The following ZBTB7C variants were observed in gnomAD, a reference collection of about 807,000 sequenced individuals.
The protein encoded by ZBTB7C is zinc finger and BTB domain-containing protein 7C.
Under a neutral mutation model 25.7 loss-of-function variants are expected in ZBTB7C, and 8 were observed. The observed-to-expected ratio is 0.31, with a 90% confidence interval of 0.18 to 0.56. The LOEUF (loss-of-function observed/expected upper bound fraction) is 0.56, where lower values mean the gene tolerates loss of function less well. Ranked by LOEUF, ZBTB7C falls within the 20% of genes least tolerant of loss-of-function variation. The pLI is 0.91. For missense variants in ZBTB7C, 824 were observed against 855.2 expected (o/e 0.96, Z 0.46); for synonymous variants, 394 against 369.0 (o/e 1.07, Z -0.78).
At chr18:48,164,794 T>G (rs80051557) in intron 3 of ZBTB7C, among the ~76,000 whole-genome samples, 7,497 of 152,194 alleles carry the variant, frequency 0.049, 267 homozygotes, top group Non-Finnish European at 0.071. Flanking sequence ...CTCCAGACAT[T>G]AAGCACCTAC....
chr18:48,029,129 GTATTAT>G lies in ZBTB7C; in HGVS notation c.*125_*130del. Reference sequence around the variant, plus strand: ...GCCCGGGAAAATGCCATCACTGATAGTATTATTATTATTTTCCCATTTTCCCTTTGT... The same window carrying G: ...GCCCGGGAAAATGCCATCACTGATAGTATTATTTTCCCATTTTCCCTTTGT... On this transcript the variant is annotated 3_prime_UTR_variant, in exon 5 of 5. Transcript: ENST00000590800. The G allele has an allele frequency of 8.0e-7, 1 of 1,252,672 alleles. No homozygotes were observed. Among genetic ancestry groups the G allele is most frequent in the South Asian group, 1.5e-5 (1 of 67,412 alleles). The allele number at this position is 1,252,672 out of a possible 1,614,324, so 77.6% of individuals were successfully genotyped here.
In ZBTB7C at chr18:48,029,008, TGAGAGCCA is replaced by T. The variant is rs2035610705; in HGVS notation, c.*244_*251del. 4 of 510,008 alleles carry T rather than the reference TGAGAGCCA, an allele frequency of 7.8e-6. No homozygotes were observed. Among genetic ancestry groups the T allele is most frequent in the East Asian group, 7.8e-5 (2 of 25,510 alleles). The allele number at this position is 510,008 out of a possible 1,614,324, so 31.6% of individuals were successfully genotyped here. ...GCATGGGCCGGTGCAAGTTTCTATA[TGAGAGCCA>T]GAGAGACAGGGAGGGAGGCCCGGGC... On this transcript the variant is annotated 3_prime_UTR_variant, in exon 5 of 5. Transcript: ENST00000590800.
chr18:48,386,969 A>T (rs1158594358), intron 1 of ZBTB7C, among the ~76,000 whole-genome samples: 1 of 152,288 alleles, frequency 6.6e-6, no homozygotes, highest in Non-Finnish European at 1.5e-5. Flanking sequence ...ACGGTGCTAT[A>T]GGAGTAATTA....
intron 2 of ZBTB7C, among the ~76,000 whole-genome samples, chr18:48,282,421 C>T (rs2044889678): frequency 1.3e-5 from 2 of 151,834 alleles, no homozygotes; most frequent in Non-Finnish European, 2.9e-5. Context: ...TGTAACTAAC[C>T]TGCACATTGT....
intron 3 of ZBTB7C, among the ~76,000 whole-genome samples, chr18:48,069,099 C>T (rs377011654): frequency 6.6e-6 from 1 of 152,212 alleles, no homozygotes; most frequent in Non-Finnish European, 1.5e-5. Context: ...TTGGTATCCC[C>T]GGCCCCAGCG....
chr18:48,077,740 C>T (rs2037827301), intron 3 of ZBTB7C, among the ~76,000 whole-genome samples: 2 of 152,180 alleles, frequency 1.3e-5, no homozygotes, highest in South Asian at 4.1e-4. Flanking sequence ...GTCACCTCGT[C>T]CTCACCATCT....
At chr18:48,143,520 G>A (rs1302260244) in intron 3 of ZBTB7C, among the ~76,000 whole-genome samples, 4 of 152,162 alleles carry the variant, frequency 2.6e-5, no homozygotes, top group African/African-American at 9.7e-5. Context: ...AGCCTCAAGA[G>A]CTGAGGTCTG....
At chr18:48,196,860 A>G (rs977702657) in intron 2 of ZBTB7C, among the ~76,000 whole-genome samples, 5 of 152,202 alleles carry the variant, frequency 3.3e-5, no homozygotes, top group African/African-American at 1.2e-4. Flanking sequence ...TCAGAAGAAC[A>G]TATCTGTAGT....
intron 3 of ZBTB7C, among the ~76,000 whole-genome samples, chr18:48,068,574 A>G (rs1274121547): frequency 6.6e-6 from 1 of 152,094 alleles, no homozygotes; most frequent in East Asian, 1.9e-4. Context: ...CTGGAAATGG[A>G]GCCTGGGCAT....
At chr18:48,035,049 T>A (rs2144103079) in intron 4 of ZBTB7C, among the ~76,000 whole-genome samples, 1 of 152,276 alleles carries the variant, frequency 6.6e-6, no homozygotes, top group African/African-American at 2.4e-5. Context: ...CTTAATAGGG[T>A]TCCCAGAGCT....
chr18:48,402,465 G>A (rs940029216), intron 1 of ZBTB7C, among the ~76,000 whole-genome samples: 4 of 152,206 alleles, frequency 2.6e-5, no homozygotes, highest in African/African-American at 9.6e-5. Flanking sequence ...GGAGACAGGT[G>A]AGCATGAGAG....
intron 2 of ZBTB7C, among the ~76,000 whole-genome samples, chr18:48,265,120 A>G (rs1223639155): frequency 6.6e-6 from 1 of 152,114 alleles, no homozygotes; most frequent in Non-Finnish European, 1.5e-5. Context: ...TTGATATCTA[A>G]TTACCTGGCC....
At chr18:48,381,438 T>C (rs1482926723) in intron 1 of ZBTB7C, among the ~76,000 whole-genome samples, 1 of 152,158 alleles carries the variant, frequency 6.6e-6, no homozygotes, top group African/African-American at 2.4e-5. Flanking sequence ...TAGTAATAAG[T>C]ACATGGAATC....
chr18:48,053,016 C>T (rs2036757893), intron 3 of ZBTB7C, among the ~76,000 whole-genome samples: 1 of 152,180 alleles, frequency 6.6e-6, no homozygotes, highest in African/African-American at 2.4e-5. Context: ...CCAAGTTACA[C>T]AGGAAAATAC....
intron 3 of ZBTB7C, among the ~76,000 whole-genome samples, chr18:48,177,171 A>G (rs2041709080): frequency 6.6e-6 from 1 of 152,232 alleles, no homozygotes; most frequent in Non-Finnish European, 1.5e-5. Flanking sequence ...CAGGACAATG[A>G]GCCAAGAACA....
At chr18:48,042,329 C>A (rs2036285517) in intron 3 of ZBTB7C, among the ~76,000 whole-genome samples, 1 of 152,200 alleles carries the variant, frequency 6.6e-6, no homozygotes, top group Non-Finnish European at 1.5e-5. Context: ...GTGGGTTGGA[C>A]AAGCTTCATA....
intron 3 of ZBTB7C, among the ~76,000 whole-genome samples, chr18:48,119,625 A>G (rs897317579): frequency 6.6e-6 from 1 of 152,146 alleles, no homozygotes; most frequent in African/African-American, 2.4e-5. Flanking sequence ...ATCATAGTTC[A>G]TGTGTAACAG....
intron 1 of ZBTB7C, among the ~76,000 whole-genome samples, chr18:48,368,049 C>CA (rs898193692): frequency 1.3e-5 from 2 of 151,530 alleles, no homozygotes; most frequent in Non-Finnish European, 2.9e-5. Context: ...AGGTTTCAAT[C>CA]AAAAATTACT....
At chr18:48,378,109 T>A (rs1299501228) in intron 1 of ZBTB7C, among the ~76,000 whole-genome samples, 1 of 152,120 alleles carries the variant, frequency 6.6e-6, no homozygotes, top group African/African-American at 2.4e-5. Context: ...CGAGATCGCA[T>A]CCTGGGCAAC....
Sources: allele counts gnomAD v4.1 joint callset (sites outside exome capture counted in the v4.1 genomes callset), GRCh38; gene constraint gnomAD v4.1.1; transcripts MANE v1.5; gene names NCBI Gene and HGNC (gene_info 2026-07-23, HGNC 2026-07-21).